The following AFTPH variants were observed in gnomAD, a reference collection of about 807,000 sequenced individuals.
AFTPH encodes the protein aftiphilin protein.
AFTPH carries 7 observed loss-of-function variants against 72.5 expected under a neutral mutation model. The ratio of observed to expected loss-of-function variants is 0.10; its 90% CI spans 0.05 to 0.18. AFTPH has a LOEUF of 0.18. AFTPH is among the 10% of genes least tolerant of loss of function. The probability of loss-of-function intolerance (pLI) is 1.00; values close to 1 mark genes in which losing one functional copy is unlikely to be tolerated. For missense variants in AFTPH, 979 were observed against 1,060.5 expected, an observed-to-expected ratio of 0.92 and a Z score of 1.07; for synonymous variants, 337 against 370.1, an observed-to-expected ratio of 0.91 and a Z score of 1.03.
At chr2:64,563,958 C>A (rs1182818324) in intron 2 of AFTPH, among the ~76,000 whole-genome samples, 1 of 152,144 alleles carries the variant, frequency 6.6e-6, no homozygotes, top group Non-Finnish European at 1.5e-5. Flanking sequence ...TTTTGTGTTT[C>A]ATAATGCAAT....
chr2:64,581,262 C>G, intron 7 of AFTPH: 1 of 1,595,514 alleles, frequency 6.3e-7, no homozygotes. Flanking sequence ...AGCAGCAGCA[C>G]CACAATCCCA....
chr2:64,526,225 T>C (rs539609684), intron 1 of AFTPH, among the ~76,000 whole-genome samples: 1 of 152,366 alleles, frequency 6.6e-6, no homozygotes, highest in African/African-American at 2.4e-5. Context: ...GTGAATCATA[T>C]CATAAAACAT....
chr2:64,557,363 A>T (rs1163493272), intron 2 of AFTPH, among the ~76,000 whole-genome samples: 1 of 152,254 alleles, frequency 6.6e-6, no homozygotes, highest in Non-Finnish European at 1.5e-5. Context: ...TCCAATTGAT[A>T]ATGCTACAGG....
At chr2:64,588,888 T>C (rs1183710050) in intron 8 of AFTPH, among the ~76,000 whole-genome samples, 1 of 152,166 alleles carries the variant, frequency 6.6e-6, no homozygotes, top group Non-Finnish European at 1.5e-5. Flanking sequence ...CCCAGCCATT[T>C]GCCTATATTT....
chr2:64,533,016 A>T (rs1029821147), intron 1 of AFTPH, among the ~76,000 whole-genome samples: 6 of 152,192 alleles, frequency 3.9e-5, no homozygotes, highest in African/African-American at 7.2e-5. Context: ...GGAAACATTT[A>T]CCTTTTTCCT....
chr2:64,536,583 A>G (rs1417853401), intron 1 of AFTPH, among the ~76,000 whole-genome samples: 1 of 150,850 alleles, frequency 6.6e-6, no homozygotes, highest in African/African-American at 2.4e-5. Flanking sequence ...AAAAAAAAAA[A>G]AAAAAAGAAT....
chr2:64,577,774 G>A (rs1017355615), intron 6 of AFTPH, among the ~76,000 whole-genome samples: 1 of 152,144 alleles, frequency 6.6e-6, no homozygotes, highest in Non-Finnish European at 1.5e-5. Context: ...AATAATTATA[G>A]ATTCATAGGA....
chr2:64,592,671 G>T (rs1673895918), exon 9 of AFTPH: 1 of 152,554 alleles, frequency 6.6e-6, no homozygotes, highest in Non-Finnish European at 1.5e-5. Flanking sequence ...TAAAGAGATT[G>T]TGTCTGTTTA....
intron 6 of AFTPH, among the ~76,000 whole-genome samples, chr2:64,576,558 A>G (rs984629106): frequency 6.6e-6 from 1 of 152,140 alleles, no homozygotes; most frequent in Admixed American, 6.6e-5. Context: ...AGGTCACACC[A>G]TTGTGCCACT....
exon 2 of AFTPH, chr2:64,551,529 G>A: frequency 1.2e-6 from 2 of 1,614,074 alleles, no homozygotes; most frequent in South Asian, 2.2e-5. Flanking sequence ...ATTAGACAAT[G>A]GAGCAGAGGA....
chr2:64,552,820 T>C lies in AFTPH; in HGVS notation c.1346T>C (p.Val449Ala). The change falls in exon 2 of 9, where the codon GTT becomes GCT. Residue 449 changes from valine to alanine, a missense_variant. By Grantham distance (64) the Val-to-Ala change is moderately conservative. This residue lies in a region of AFTPH where 498 missense variants were observed against 467.6 expected (regional missense o/e 1.06). Coordinates refer to ENST00000238856, the Ensembl canonical transcript of AFTPH. Reference sequence around the variant, plus strand: ...GCCAGTGGCTCAACTCCACCTTTTGTTACTGGTACTCAAGATTCAATGAGT... The same window carrying C: ...GCCAGTGGCTCAACTCCACCTTTTGCTACTGGTACTCAAGATTCAATGAGT... 16 of 1,614,216 alleles carry C rather than the reference T, an allele frequency of 9.9e-6. No individual in the cohort carries two copies. Among genetic ancestry groups the C allele is most frequent in the Non-Finnish European group, 1.4e-5 (16 of 1,180,032 alleles).
chr2:64,546,806 G>A (rs942678238), intron 1 of AFTPH, among the ~76,000 whole-genome samples: 13 of 151,570 alleles, frequency 8.6e-5, no homozygotes, highest in Admixed American at 4.6e-4. Flanking sequence ...AGGCCAAGGC[G>A]GGCAGATCAC....
At chr2:64,581,381 G>A in intron 7 of AFTPH, 108 bp downstream of exon 8, 1 of 844,264 alleles carries the variant, frequency 1.2e-6, no homozygotes, top group Non-Finnish European at 1.7e-6. Context: ...TCTCTATAAT[G>A]TCTTTTTAAT....
chr2:64,552,060 G>A, exon 2 of AFTPH: 1 of 1,613,930 alleles, frequency 6.2e-7, no homozygotes, highest in Non-Finnish European at 8.5e-7. Context: ...AAATCCTCAG[G>A]GAACAGATGA....
rs537627861 is a variant in AFTPH, at chr2:64,554,678, T to C, written c.1935+1269T>C. 5.9e-5 allele frequency among the ~76,000 whole-genome samples: 9 copies of C among 152,370 alleles called. No homozygotes were observed. The South Asian group carries it at 1.7e-3, about 28-fold the overall frequency. ...GTAGTTTAATTTGCTAATTCAGTTA[T>C]TACATGGTTTAGCTAATGTGTATTA... On this transcript the variant is annotated intron_variant, in intron 2 of 8. Transcript: ENST00000238856.
chr2:64,553,594 T>C (rs1671178723), intron 2 of AFTPH, among the ~76,000 whole-genome samples, 185 bp downstream of exon 2: 2 of 151,978 alleles, frequency 1.3e-5, no homozygotes, highest in South Asian at 4.1e-4. Flanking sequence ...CTACAAATAG[T>C]CCTATAGTAA....
intron 1 of AFTPH, among the ~76,000 whole-genome samples, chr2:64,533,649 T>C (rs1199044019): frequency 6.6e-6 from 1 of 152,128 alleles, no homozygotes; most frequent in Non-Finnish European, 1.5e-5. Context: ...AAAAGGTAAG[T>C]CTACCCCGAT....
chr2:64,586,313 C>G (rs903806125), intron 8 of AFTPH, among the ~76,000 whole-genome samples: 2 of 152,210 alleles, frequency 1.3e-5, no homozygotes, highest in African/African-American at 4.8e-5. Flanking sequence ...TGTGATGCAT[C>G]AGCATTTTAA....
chr2:64,553,317 C>T (rs1312837119), exon 2 of AFTPH: 2 of 1,613,836 alleles, frequency 1.2e-6, no homozygotes, highest in African/African-American at 2.7e-5. Context: ...TATTGATACT[C>T]CAGGAACCCC....
Sources: gnomAD v4.1 joint callset for allele counts (sites outside exome capture counted in the v4.1 genomes callset) on GRCh38, gnomAD v4.1.1 for gene constraint, gnomAD v4.1.1 regional missense constraint, MANE v1.5 for transcripts, NCBI Gene and HGNC (gene_info 2026-07-23, HGNC 2026-07-21) for gene names.